The following RCBTB2 variants were observed in gnomAD, a reference collection of about 807,000 sequenced individuals.
The protein encoded by RCBTB2 is RCC1 and BTB domain containing protein 2, also known as RCC1 and BTB domain-containing protein 2.
In RCBTB2, 55 loss-of-function variants were observed where a neutral mutation model predicts 65.4. The observed-to-expected ratio is 0.84, with a 90% confidence interval of 0.68 to 1.05. The LOEUF is 1.05. Ranked by LOEUF, RCBTB2 falls within the 50% of genes least tolerant of loss-of-function variation. The pLI is 0.00. For synonymous variants in RCBTB2, 220 were observed against 255.2 expected (o/e 0.86, Z 1.31); for missense variants, 599 against 680.1 (o/e 0.88, Z 1.33).
chr13:48,516,990 C>G (rs1232406658), intron 4 of RCBTB2, among the ~76,000 whole-genome samples: 2 of 152,230 alleles, frequency 1.3e-5, no homozygotes, highest in Middle Eastern at 3.2e-3. Flanking sequence ...TCTTTCCCAT[C>G]AGTTATTAAA....
At chr13:48,531,629 T>C (rs1952128902) in intron 1 of RCBTB2, among the ~76,000 whole-genome samples, 1 of 152,220 alleles carries the variant, frequency 6.6e-6, no homozygotes, top group Non-Finnish European at 1.5e-5. Context: ...CAATAAGGCC[T>C]GAGTGGTGGA....
chr13:48,504,137 C>G, intron 10 of RCBTB2: 4 of 982,624 alleles, frequency 4.1e-6, no homozygotes, highest in Non-Finnish European at 4.8e-6. Flanking sequence ...TCAGCCACCA[C>G]TGGGGGGTCA....
At chr13:48,533,319 C>T (rs985896583), upstream of RCBTB2, 57 of 302,414 alleles carry the variant, frequency 1.9e-4, no homozygotes, top group African/African-American at 1.2e-3. Flanking sequence ...CCCATTGGGG[C>T]CGCCTCCGCT....
rs1951457876 is a variant in RCBTB2, at chr13:48,522,045, G to A, written c.-23-83C>T. The A allele has an allele frequency of 7.4e-5, 86 of 1,169,960 alleles. 2 individuals are homozygous for A. The South Asian group carries it at 1.1e-3, about 16-fold the overall frequency. 72.5% of individuals were successfully genotyped at this position (1,169,960 alleles called of 1,614,324 possible). A position where few individuals can be genotyped will look rare whatever the true frequency, so the allele number is the denominator to read the frequency against. ...GTTAAAATTACTTTACTTCTAATTAGCAGGGAAAATAAGCTAAGCTCAAAT... is the reference window on the plus strand; with the variant it reads ...GTTAAAATTACTTTACTTCTAATTAACAGGGAAAATAAGCTAAGCTCAAAT... On this transcript the variant is annotated intron_variant, in intron 3 of 14. Transcript: ENST00000344532.
rs181007368 is a variant in RCBTB2 at position 48,496,327 on chromosome 13, G to A, written c.1385-6C>T. The A allele has an allele frequency of 1.3e-3, 2,026 of 1,547,186 alleles. 30 individuals are homozygous for A. In the South Asian group the frequency reaches 0.016, roughly 12 times the overall value. ...TGTAGCCAAGTCTAGCAGTCCTGGC[G>A]GAAAGAGGTGTTTATTAGGGGGAGT... On this transcript the variant is annotated splice_region_variant and splice_polypyrimidine_tract_variant and intron_variant, in intron 13 of 14. Coordinates refer to ENST00000344532, the MANE Select transcript of RCBTB2 (RefSeq NM_001268.4).
At chr13:48,517,895 T>C (rs1355813518) in intron 4 of RCBTB2, among the ~76,000 whole-genome samples, 3 of 152,110 alleles carry the variant, frequency 2.0e-5, no homozygotes, top group Non-Finnish European at 4.4e-5. Flanking sequence ...GGAGTCATAC[T>C]GGATTAGAGT....
At chr13:48,505,749 C>G (rs1490730235) in intron 10 of RCBTB2, among the ~76,000 whole-genome samples, 1 of 151,812 alleles carries the variant, frequency 6.6e-6, no homozygotes, top group Non-Finnish European at 1.5e-5. Flanking sequence ...ATCAGCTTTA[C>G]CATCTTTTCA....
chr13:48,519,912 A>T (rs916749783), intron 4 of RCBTB2, among the ~76,000 whole-genome samples: 2 of 152,190 alleles, frequency 1.3e-5, no homozygotes, highest in Non-Finnish European at 2.9e-5. Flanking sequence ...AGCATCCCTA[A>T]TTCAAAAATC....
rs1593715135 is a variant in RCBTB2 at position 48,512,729 on chromosome 13, C to T, written c.516G>A (p.Glu172=). Residue 172 remains glutamate (E), a splice_region_variant and synonymous_variant, in exon 7 of 15, where the codon GAG becomes GAA. Coordinates refer to ENST00000344532, the MANE Select transcript of RCBTB2 (RefSeq NM_001268.4). The stretch of plus-strand genomic sequence containing the variant: ...TGAGCTTTATGCTGACTGTTCTCAC[C>T]TCTCCATCAGATGTTAGCACCAAAG... ...YHSLVLTSDG[E]VFAWGYNNSG... The T allele has an allele frequency of 6.2e-7, 1 of 1,613,248 alleles. No individual in the cohort carries two copies. Among genetic ancestry groups the T allele is most frequent in the Non-Finnish European group, 8.5e-7 (1 of 1,179,376 alleles).
At chr13:48,493,339 T>TCTCTCTCG (rs1157347627) in intron 14 of RCBTB2, among the ~76,000 whole-genome samples, 3 of 137,200 alleles carry the variant, frequency 2.2e-5, no homozygotes, top group Non-Finnish European at 4.6e-5. Context: ...TCTCTCTCTC[T>TCTCTCTCG]CTTCTCTTCT....
At chr13:48,490,613 A>G (rs1352918966) in intron 14 of RCBTB2, among the ~76,000 whole-genome samples, 2 of 152,230 alleles carry the variant, frequency 1.3e-5, no homozygotes, top group African/African-American at 2.4e-5. Context: ...TAAAAGCCCT[A>G]TACTCCTCTT....
intron 6 of RCBTB2, among the ~76,000 whole-genome samples, chr13:48,513,386 G>A (rs138014221): frequency 1.3e-5 from 2 of 152,204 alleles, no homozygotes; most frequent in East Asian, 3.9e-4. Context: ...CTTAAGTCAA[G>A]AAATATAACC....
chr13:48,529,857 T>A (rs1366534573), intron 1 of RCBTB2, among the ~76,000 whole-genome samples: 1 of 152,186 alleles, frequency 6.6e-6, no homozygotes, highest in Non-Finnish European at 1.5e-5. Context: ...GTCTCCAATC[T>A]ACCTTTTCCT....
rs778787064 is a variant in RCBTB2, at chr13:48,496,236, C to T, written c.1470G>A (p.Glu490=). Reference sequence around the variant, plus strand: ...CAGCCGAGAGCAGAGCGATGGCATTCTCCTCGCAGATGCCTTGCTTGATAG... The same window carrying T: ...CAGCCGAGAGCAGAGCGATGGCATTTTCCTCGCAGATGCCTTGCTTGATAG... ...QQTIKQGICE[E]NAIALLSAAV... is the part of the protein sequence containing the mutation. The change falls in exon 14 of 15, where the codon GAG becomes GAA. Residue 490 remains glutamate (E), a synonymous_variant. Transcript: ENST00000344532. 1.3e-6 allele frequency: 2 copies of T among 1,590,868 alleles called. No individual in the cohort carries two copies. The highest frequency in any genetic ancestry group is 1.1e-5 in the South Asian group (1 of 88,470).
At chr13:48,500,681 C>G (rs1950194548) in intron 12 of RCBTB2, among the ~76,000 whole-genome samples, 1 of 152,194 alleles carries the variant, frequency 6.6e-6, no homozygotes, top group African/African-American at 2.4e-5. Flanking sequence ...AAATCCCCAG[C>G]AGCTAGGAAA....
chr13:48,499,142 A>ACC (rs1366425462), intron 13 of RCBTB2, among the ~76,000 whole-genome samples: 2 of 132,290 alleles, frequency 1.5e-5, no homozygotes, highest in East Asian at 2.2e-4. Flanking sequence ...ACACACACAC[A>ACC]CTCTCTCTCT....
upstream of RCBTB2, chr13:48,535,637 T>A (rs1422523687): frequency 4.4e-6 from 2 of 456,146 alleles, no homozygotes; most frequent in Non-Finnish European, 8.8e-6. Context: ...AAGTCACCAA[T>A]GACCTCAGAA....
rs1017507280 is a variant in RCBTB2 at position 48,522,073 on chromosome 13, T to C, written c.-23-111A>G. ...GGGAAAATAAGCTAAGCTCAAATGT[T>C]GTGAAAGGAAGATAAAGGAATTAAG... On this transcript the variant is annotated intron_variant, in intron 3 of 14. Coordinates refer to ENST00000344532, the MANE Select transcript of RCBTB2 (RefSeq NM_001268.4). 4.3e-5 allele frequency: 41 copies of C among 958,658 alleles called. No individual in the cohort carries two copies. In the African/African-American group the frequency reaches 6.2e-4, roughly 15 times the overall value. The allele number at this position is 958,658 out of a possible 1,614,324, so 59.4% of individuals were successfully genotyped here.
In RCBTB2 at chr13:48,499,643, G is replaced by A; in HGVS notation, c.1362C>T (p.Ser454=). The change falls in exon 13 of 15, where the codon AGC becomes AGT. Residue 454 remains serine (S), a synonymous_variant. Coordinates refer to ENST00000344532, the MANE Select transcript of RCBTB2 (RefSeq NM_001268.4). ...TACCTACTGCCTCCTCAGGAGAAAG[G>A]CTGATGCTGTCTGTGTATAGGTATT... The part of the protein sequence containing the change: ...FLEYLYTDSI[S]LSPEEAVGLL... 6.2e-7 allele frequency: 1 copy of A among 1,614,144 alleles called. No individual in the cohort carries two copies. The highest frequency in any genetic ancestry group is 8.5e-7 in the Non-Finnish European group (1 of 1,180,020).
Sources: allele counts gnomAD v4.1 joint callset (sites outside exome capture counted in the v4.1 genomes callset), GRCh38; gene constraint gnomAD v4.1.1; transcripts MANE v1.5; gene names NCBI Gene and HGNC (gene_info 2026-07-23, HGNC 2026-07-21).